Variants in XIRP2 observed in about 807,000 individuals in gnomAD.
XIRP2 encodes the protein xin actin-binding repeat-containing protein 2.
A neutral mutation model predicts 277.0 loss-of-function variants in XIRP2; 236 were observed. The ratio of observed to expected loss-of-function variants is 0.85; its 90% CI spans 0.77 to 0.95. The LOEUF is 0.95. Ranked by LOEUF, XIRP2 falls within the 40% of genes least tolerant of loss-of-function variation. XIRP2 has a pLI of 0.00. For missense variants in XIRP2, 4,640 were observed against 4,157.5 expected (o/e 1.12, Z -3.19); for synonymous variants, 1,490 against 1,416.5 (o/e 1.05, Z -1.17).
chr2:167,012,265 T>G (rs1387787855), intron 2 of XIRP2, among the ~76,000 whole-genome samples: 1 of 151,926 alleles, frequency 6.6e-6, no homozygotes, highest in Non-Finnish European at 1.5e-5. Context: ...GTTGTGTCTT[T>G]GTTCTCATTG....
At chr2:167,125,928 TGATAGGACTGAACATCCAA>T (rs1201818076) in intron 2 of XIRP2, among the ~76,000 whole-genome samples, 1 of 152,200 alleles carries the variant, frequency 6.6e-6, no homozygotes, top group African/African-American at 2.4e-5. Flanking sequence ...TGAACATCCA[TGATAGGACTGAACATCCAA>T]TATCCTCCAG....
At chr2:166,967,273 G>A (rs1686458357) in intron 2 of XIRP2, among the ~76,000 whole-genome samples, 1 of 151,814 alleles carries the variant, frequency 6.6e-6, no homozygotes, top group African/African-American at 2.4e-5. Flanking sequence ...AATATCCCTA[G>A]GTGAAGGAAA....
At chr2:167,215,866 G>A (rs900704576) in intron 4 of XIRP2, among the ~76,000 whole-genome samples, 6 of 152,136 alleles carry the variant, frequency 3.9e-5, no homozygotes, top group East Asian at 1.9e-4. Flanking sequence ...TGCACTTCCC[G>A]AAGGGGCATA....
chr2:167,125,572 A>T (rs1178645898), intron 2 of XIRP2, among the ~76,000 whole-genome samples: 3 of 152,182 alleles, frequency 2.0e-5, no homozygotes, highest in Non-Finnish European at 4.4e-5. Context: ...TCTGTTTAAT[A>T]AAAAGGATGT....
chr2:167,254,227 A>T, intron 10 of XIRP2, 62 bp downstream of exon 10: 1 of 1,526,856 alleles, frequency 6.5e-7, no homozygotes, highest in Non-Finnish European at 8.8e-7. Context: ...GTATAGCCTC[A>T]TATCTCTAGG....
chr2:167,019,870 T>C (rs1008706424), intron 2 of XIRP2, among the ~76,000 whole-genome samples: 4 of 152,066 alleles, frequency 2.6e-5, no homozygotes, highest in Non-Finnish European at 4.4e-5. Flanking sequence ...TTAAAACTTA[T>C]ATACATTTTA....
At chr2:166,897,498 T>C (rs1684273771) in intron 1 of XIRP2, among the ~76,000 whole-genome samples, 1 of 152,076 alleles carries the variant, frequency 6.6e-6, no homozygotes, top group South Asian at 2.1e-4. Context: ...TGCAAAAGTA[T>C]TGTAGCAGTC....
chr2:167,201,234 GAAAGAAAGAAAGAAAGAAAGAAAGAA>G (rs1559018247), intron 3 of XIRP2, among the ~76,000 whole-genome samples: 4 of 101,186 alleles, frequency 4.0e-5, no homozygotes, highest in African/African-American at 2.5e-4. Context: ...AAGAAAGAAA[GAAAGAAAGAAAGAAAGAAAGAAAGAA>G]AGAGAGAGGG....
chr2:167,126,973 A>G (rs1691224033), intron 2 of XIRP2, among the ~76,000 whole-genome samples: 1 of 152,172 alleles, frequency 6.6e-6, no homozygotes. Flanking sequence ...TATTATTATT[A>G]CTATTCAAAT....
intron 2 of XIRP2, among the ~76,000 whole-genome samples, chr2:166,943,332 A>C (rs965352673): frequency 6.6e-6 from 1 of 152,198 alleles, no homozygotes; most frequent in Non-Finnish European, 1.5e-5. Flanking sequence ...CAAAGCATTG[A>C]AAGGTGAAAC....
chr2:166,963,511 G>A (rs147049288), intron 2 of XIRP2, among the ~76,000 whole-genome samples: 117 of 151,984 alleles, frequency 7.7e-4, no homozygotes, highest in African/African-American at 2.7e-3. Context: ...ATGTGGAGGA[G>A]GAGAGACTCT....
chr2:167,214,136 A>AGGAG (rs1694154054), intron 4 of XIRP2, among the ~76,000 whole-genome samples: 1 of 120,712 alleles, frequency 8.3e-6, no homozygotes, highest in Non-Finnish European at 1.7e-5. Flanking sequence ...GAAGGAAGGA[A>AGGAG]GCAAAGAGAA....
chr2:166,963,288 G>A (rs1192708472), intron 2 of XIRP2, among the ~76,000 whole-genome samples: 1 of 151,658 alleles, frequency 6.6e-6, no homozygotes, highest in African/African-American at 2.4e-5. Context: ...TTATTTAGCA[G>A]TCCTTTTATT....
chr2:167,111,968 C>T (rs1017072170), intron 2 of XIRP2, among the ~76,000 whole-genome samples: 3 of 152,094 alleles, frequency 2.0e-5, no homozygotes, highest in African/African-American at 7.2e-5. Flanking sequence ...TAGTAGTAGT[C>T]TTTGATGGTT....
intron 2 of XIRP2, among the ~76,000 whole-genome samples, chr2:167,083,742 G>A (rs1243585487): frequency 6.6e-6 from 1 of 152,144 alleles, no homozygotes; most frequent in Admixed American, 6.5e-5. Context: ...TTGGCTCTCT[G>A]TCTGTTGTTG....
chr2:167,073,406 C>T (rs1007430813), intron 2 of XIRP2, among the ~76,000 whole-genome samples: 2 of 151,996 alleles, frequency 1.3e-5, no homozygotes, highest in African/African-American at 4.8e-5. Flanking sequence ...AACTTTTATT[C>T]ATATAGCATC....
intron 2 of XIRP2, among the ~76,000 whole-genome samples, chr2:167,084,091 T>C (rs1048413061): frequency 2.0e-5 from 3 of 152,158 alleles, no homozygotes; most frequent in African/African-American, 7.2e-5. Context: ...CATAGATAGA[T>C]CTTATTATTT....
chr2:167,248,702 A>G lies in XIRP2; in HGVS notation c.7310A>G (p.Lys2437Arg). The change falls in exon 9 of 11, where the codon AAG (lysine) becomes AGG (arginine). Residue 2437 changes from lysine (K) to arginine (R), a missense_variant. By Grantham distance (26) the Lys-to-Arg change is conservative (BLOSUM62 2). Coordinates refer to ENST00000409195, the MANE Select transcript of XIRP2 (RefSeq NM_152381.6). ...PKLPKHIKDNKNDFSPKVELA... is the reference protein window; with the variant it reads ...PKLPKHIKDNRNDFSPKVELA... ...CTTCCCAAGCATATAAAAGATAATA[A>G]GAACGATTTTTCCCCCAAAGTTGAA... 6.2e-7 allele frequency: 1 copy of G among 1,613,792 alleles called. No individual in the cohort carries two copies. The highest frequency in any genetic ancestry group is 8.5e-7 in the Non-Finnish European group (1 of 1,179,816).
chr2:167,208,702 A>G (rs1220492804), intron 3 of XIRP2, among the ~76,000 whole-genome samples: 3 of 152,222 alleles, frequency 2.0e-5, no homozygotes, highest in Non-Finnish European at 4.4e-5. Context: ...GTCATTAAAA[A>G]ATGATAAAAA....
Sources: gnomAD v4.1 joint callset for allele counts (sites outside exome capture counted in the v4.1 genomes callset) on GRCh38, gnomAD v4.1.1 for gene constraint, MANE v1.5 for transcripts, NCBI Gene and HGNC (gene_info 2026-07-23, HGNC 2026-07-21) for gene names.